The following PRR35 variants were observed in gnomAD, a reference collection of about 807,000 sequenced individuals.
The protein encoded by PRR35 is proline rich 35.
In PRR35, 14 loss-of-function variants were observed where a neutral mutation model predicts 18.6. The observed-to-expected ratio is 0.75, with a 90% CI of 0.50 to 1.18. The LOEUF is 1.18. Among genes scored for constraint, PRR35 ranks in the 50% most tolerant of loss-of-function variants. PRR35 has a pLI of 0.00. For missense variants in PRR35, 832 were observed against 792.2 expected (o/e 1.05, Z -0.60); for synonymous variants, 425 against 378.2 (o/e 1.12, Z -1.43).
rs2035481321 is a variant in PRR35 at position 563,692 on chromosome 16, G to A, written c.398G>A (p.Arg133Lys). The A allele has an allele frequency of 1.3e-6, 2 of 1,559,442 alleles. No homozygotes were observed. The highest frequency in any genetic ancestry group is 2.4e-5 in the East Asian group (1 of 42,530). ...SLHCGGGPKS[R>K]AKGSPGPPPP... Reference sequence around the variant, plus strand: ...CACTGTGGCGGAGGCCCCAAGTCCAGGGCCAAGGGGTCCCCAGGGCCACCA... The same window carrying A: ...CACTGTGGCGGAGGCCCCAAGTCCAAGGCCAAGGGGTCCCCAGGGCCACCA... Residue 133 changes from arginine (R) to lysine (K), a missense_variant, in exon 2 of 3, where the codon AGG becomes AAG. By Grantham distance (26) the Arg-to-Lys change is conservative. Around this residue, in one of 3 missense-constraint regions of PRR35, gnomAD observed 768 missense variants for 704.1 expected, o/e 1.09. Transcript: ENST00000409413.
rs1567170135 is a variant in PRR35, at chr16:564,751, G to T, written c.1160G>T (p.Gly387Val). ...GGCCCTGAGACCCCCGGCCCTGAGG[G>T]CCCCCTCCCCCTGCAGCCACGGGGC... ...PGGPETPGPE[G>V]PLPLQPRGPV... is the part of the protein sequence containing the mutation. Residue 387 changes from glycine to valine, a missense_variant, in exon 3 of 3, where the codon GGC becomes GTC. Physicochemically the swap from Gly to Val is moderately radical, Grantham distance 109. Around this residue, in one of 3 missense-constraint regions of PRR35, gnomAD observed 768 missense variants for 704.1 expected, o/e 1.09. Transcript: ENST00000409413. 1 of 1,537,294 alleles carries T rather than the reference G, an allele frequency of 6.5e-7. No homozygotes were observed. Among genetic ancestry groups the T allele is most frequent in the South Asian group, 1.2e-5 (1 of 83,978 alleles).
At position 564,279 on chromosome 16, in the gene PRR35, G is replaced by C; in HGVS notation, c.985G>C (p.Ala329Pro). ...AGGGCAGGAGGGGGAGCTGGAGCGG[G>C]CAGCCCAGAGTGACCCCAGGAGGAG... is the stretch of plus-strand genomic sequence containing the variant. ...DPGQEGELERAAQSDPRRRLS... is the reference protein window; with the variant it reads ...DPGQEGELERPAQSDPRRRLS... Residue 329 changes from alanine (A) to proline (P), a missense_variant, in exon 2 of 3, where the codon GCA becomes CCA. Transcript: ENST00000409413. 1 of 1,576,806 alleles carries C rather than the reference G, an allele frequency of 6.3e-7. No individual in the cohort carries two copies. Among genetic ancestry groups the C allele is most frequent in the Non-Finnish European group, 8.6e-7 (1 of 1,166,134 alleles).
rs2035470348 is a variant in PRR35, at chr16:563,244, C to A, written c.-39-12C>A. ...GAGGCAGGCTTGGCACTGACTGTGG[C>A]CCCATCTACAGGTGGCCATGGTGCC... On this transcript the variant is annotated splice_polypyrimidine_tract_variant and intron_variant, in intron 1 of 2. Coordinates refer to ENST00000409413, the MANE Select transcript of PRR35 (RefSeq NM_145270.3). 3 of 1,527,678 alleles carry A rather than the reference C, an allele frequency of 2.0e-6. No homozygotes were observed. In the South Asian group the frequency reaches 3.8e-5, roughly 19 times the overall value. 94.6% of individuals were successfully genotyped at this position (1,527,678 alleles called of 1,614,324 possible).
chr16:564,848 G>A lies in PRR35; in HGVS notation c.1257G>A (p.Glu419=). 1.3e-6 allele frequency: 2 copies of A among 1,560,488 alleles called. No individual in the cohort carries two copies. Among genetic ancestry groups the A allele is most frequent in the East Asian group, 4.7e-5 (2 of 42,802 alleles). Residue 419 remains glutamate (E), a synonymous_variant, in exon 3 of 3, where the codon GAG becomes GAA. Transcript: ENST00000409413. ...CCCTCGGTGACTACGCCAGGGTGGA[G>A]CAGCGCCTGGGACAGTTGGGGCCCG... ...TRALGDYARV[E]QRLGQLGPAG...
At chr16:561,647 G>T in intron 1 of PRR35, 1 of 827,290 alleles carries the variant, frequency 1.2e-6, no homozygotes, top group Non-Finnish European at 1.5e-6. Context: ...AGGGCCCCAA[G>T]CCTTTGGACG....
In PRR35 at chr16:564,407, T is replaced by G. The variant is rs762189154; in HGVS notation, c.1082+31T>G. 5.8e-5 allele frequency: 92 copies of G among 1,586,168 alleles called. 1 individual carries two copies. The South Asian group carries it at 1.0e-3, about 18-fold the overall frequency. On this transcript the variant is annotated intron_variant, in intron 2 of 2. Coordinates refer to ENST00000409413, the MANE Select transcript of PRR35 (RefSeq NM_145270.3). ...CGTCTTGGGCTCCCGGTTCCTGGGG[T>G]GGACGGAGGGGCTGGGCGGCTGGGC...
chr16:563,146 G>C (rs1039578967), intron 1 of PRR35, 110 bp from the exon 2 acceptor site: 1 of 1,116,788 alleles, frequency 9.0e-7, no homozygotes, highest in East Asian at 2.7e-5. Context: ...AGGCGGCGGG[G>C]TGGGGGGAGC....
rs543516196 is a variant in PRR35, at chr16:562,443, C to T, written c.-39-813C>T. Among the ~76,000 whole-genome samples, 14 of 152,336 alleles carry T rather than the reference C, an allele frequency of 9.2e-5. No homozygotes were observed. In the South Asian group the frequency reaches 1.7e-3, roughly 18 times the overall value. On this transcript the variant is annotated intron_variant, in intron 1 of 2. Coordinates refer to ENST00000409413, the MANE Select transcript of PRR35 (RefSeq NM_145270.3). ...ACGCATACACACGCACTCACACATG[C>T]ATGCATGCACACATGCACACACAAT...
At chr16:562,751 C>T (rs978138162) in intron 1 of PRR35, among the ~76,000 whole-genome samples, 5 of 152,230 alleles carry the variant, frequency 3.3e-5, no homozygotes, top group African/African-American at 7.2e-5. Flanking sequence ...GACGTCCACC[C>T]GAAGTGAGCT....
At chr16:561,149 C>T (rs1009901794) in intron 1 of PRR35, among the ~76,000 whole-genome samples, 2 of 152,216 alleles carry the variant, frequency 1.3e-5, no homozygotes, top group African/African-American at 4.8e-5. Flanking sequence ...CTGGGACGCG[C>T]GTGTGAGTGC....
At position 560,638 on chromosome 16, in the gene PRR35, G is replaced by A. The variant is rs546715524; in HGVS notation, c.-63G>A. ...CTACACGCGGCCTCGCAGACTTGGC[G>A]GCTCCGCTCCCGGCCGGGCGCAGGT... On this transcript the variant is annotated 5_prime_UTR_variant, in exon 1 of 3. Coordinates refer to ENST00000409413, the MANE Select transcript of PRR35 (RefSeq NM_145270.3). The A allele has an allele frequency of 2.6e-3, 2,568 of 982,104 alleles. 48 individuals are homozygous for A. The African/African-American group carries it at 0.042, about 16-fold the overall frequency. 60.8% of individuals were successfully genotyped at this position (982,104 alleles called of 1,614,324 possible).
At chr16:560,080 G>A (rs886776046), upstream of PRR35, among the ~76,000 whole-genome samples, 1 of 151,864 alleles carries the variant, frequency 6.6e-6, no homozygotes, top group African/African-American at 2.4e-5. Flanking sequence ...GTGCACCCCC[G>A]CGGCAGCCTG....
rs751948728 is a variant in PRR35, at chr16:564,223, G to A, written c.929G>A (p.Gly310Glu). Residue 310 changes from glycine (G) to glutamate (E), a missense_variant, in exon 2 of 3, where the codon GGG (glycine) becomes GAG (glutamate). This residue lies in a region of PRR35 where 768 missense variants were observed against 704.1 expected (regional missense o/e 1.09). Coordinates refer to ENST00000409413, the MANE Select transcript of PRR35 (RefSeq NM_145270.3). ...CTGAAGGTGCCAGTTCCAGGGCTGG[G>A]GCCCTGGCCCCGAGTCACCCCCAGG... ...GLLKVPVPGL[G>E]PWPRVTPRDP... 29 of 1,570,352 alleles carry A rather than the reference G, an allele frequency of 1.8e-5. No homozygotes were observed. In the Admixed American group the frequency reaches 5.1e-4, roughly 28 times the overall value.
Position 563,180 on chromosome 16 carries a change from C to T in PRR35, c.-39-76C>T, listed in dbSNP as rs140611069. On this transcript the variant is annotated intron_variant, in intron 1 of 2. Transcript: ENST00000409413. ...GCACCCAGGCTCCAGTCCCTGGAGC[C>T]TGGGGAGCCATGGATGGAGAGGAGT... The T allele has an allele frequency of 2.6e-3, 3,548 of 1,356,958 alleles. 59 individuals are homozygous for T. The African/African-American group carries it at 0.031, about 12-fold the overall frequency. The allele number at this position is 1,356,958 out of a possible 1,614,324, so 84.1% of individuals were successfully genotyped here.
rs765746409 is a variant in PRR35 at position 565,295 on chromosome 16, C to T, written c.1704C>T (p.Gly568=). 8.4e-5 allele frequency: 128 copies of T among 1,515,598 alleles called. No homozygotes were observed. In the East Asian group the frequency reaches 1.7e-3, roughly 20 times the overall value. 93.9% of individuals were successfully genotyped at this position (1,515,598 alleles called of 1,614,324 possible). A position where few individuals can be genotyped will look rare whatever the true frequency, so the allele number is the denominator to read the frequency against. ...TCTGTGGCCTGCAGAGCCCCCAGGGCGCCGAGGTCTGACCTGCAGCGCCTG... is the reference window on the plus strand; with the variant it reads ...TCTGTGGCCTGCAGAGCCCCCAGGGTGCCGAGGTCTGACCTGCAGCGCCTG... ...EAVCGLQSPQ[G]AEV Residue 568 remains glycine (G), a synonymous_variant, in exon 3 of 3, where the codon GGC becomes GGT. Coordinates refer to ENST00000409413, the MANE Select transcript of PRR35 (RefSeq NM_145270.3).
In PRR35 at chr16:564,268, A is replaced by G; in HGVS notation, c.974A>G (p.Glu325Gly). ...CCCAGGGACCCAGGGCAGGAGGGGGAGCTGGAGCGGGCAGCCCAGAGTGAC... is the reference window on the plus strand; with the variant it reads ...CCCAGGGACCCAGGGCAGGAGGGGGGGCTGGAGCGGGCAGCCCAGAGTGAC... The part of the protein sequence containing the change: ...VTPRDPGQEG[E>G]LERAAQSDPR... The change falls in exon 2 of 3, where the codon GAG (glutamate) becomes GGG (glycine). Residue 325 changes from glutamate to glycine, a missense_variant. Glu to Gly is a moderately conservative substitution (Grantham distance 98). Coordinates refer to ENST00000409413, the MANE Select transcript of PRR35 (RefSeq NM_145270.3). 1 of 1,576,794 alleles carries G rather than the reference A, an allele frequency of 6.3e-7. No homozygotes were observed. The highest frequency in any genetic ancestry group is 1.8e-5 in the Admixed American group (1 of 55,624).
chr16:560,711 G>T (rs2142104412), intron 1 of PRR35, 50 bp downstream of exon 1: 1 of 976,500 alleles, frequency 1.0e-6, no homozygotes, highest in African/African-American at 1.8e-5. Context: ...TCGCGGGGCC[G>T]GCTGGACGCG....
At chr16:562,162 C>T (rs542390038) in intron 1 of PRR35, among the ~76,000 whole-genome samples, 49 of 152,328 alleles carry the variant, frequency 3.2e-4, no homozygotes, top group Non-Finnish European at 5.1e-4. Context: ...TGGAGTGTGG[C>T]GCGCATACCA....
In PRR35 at chr16:560,583, C is replaced by T; in HGVS notation, c.-118C>T. On this transcript the variant is annotated 5_prime_UTR_variant, in exon 1 of 3. Transcript: ENST00000409413. ...CGCGGGGTCCGAGTCGCGGCCGGCG[C>T]GGGGCGGGGAGGGGCGGGAAGTTTG... 1.0e-6 allele frequency: 1 copy of T among 983,048 alleles called. No homozygotes were observed. Among genetic ancestry groups the T allele is most frequent in the Non-Finnish European group, 1.2e-6 (1 of 829,042 alleles). 60.9% of individuals were successfully genotyped at this position (983,048 alleles called of 1,614,324 possible). A position where few individuals can be genotyped will look rare whatever the true frequency, so the allele number is the denominator to read the frequency against.
Sources: gnomAD v4.1 joint callset for allele counts (sites outside exome capture counted in the v4.1 genomes callset) on GRCh38, gnomAD v4.1.1 for gene constraint, gnomAD v4.1.1 regional missense constraint, MANE v1.5 for transcripts, NCBI Gene and HGNC (gene_info 2026-07-23, HGNC 2026-07-21) for gene names.